The following ZC3HAV1 variants were observed in gnomAD, a reference collection of about 807,000 sequenced individuals.
ZC3HAV1 encodes zinc finger CCCH-type antiviral protein 1.
ZC3HAV1 carries 41 observed loss-of-function variants against 86.6 expected under a neutral mutation model. That is an observed-to-expected ratio of 0.47 (90% CI 0.37 to 0.61). The LOEUF is 0.61. ZC3HAV1 is among the 20% of genes least tolerant of loss of function. The pLI, the probability that ZC3HAV1 is intolerant of heterozygous loss-of-function variation, is 0.00. For synonymous variants in ZC3HAV1, 421 were observed against 432.1 expected (o/e 0.97, Z 0.32); for missense variants, 964 against 1,141.1 (o/e 0.84, Z 2.24).
intron 2 of ZC3HAV1, 109 bp from the exon 3 acceptor site, chr7:139,084,141 T>C (rs1817211807): frequency 6.3e-6 from 9 of 1,428,432 alleles, no homozygotes; most frequent in Admixed American, 2.3e-5. Context: ...AGCAGAGATA[T>C]ACCAAAGGGG....
intron 12 of ZC3HAV1, chr7:139,049,946 T>G (rs1268184367): frequency 1.9e-5 from 3 of 156,390 alleles, no homozygotes; most frequent in African/African-American, 7.2e-5. Context: ...ACATGAAGAT[T>G]TGAACCTCTT....
intron 1 of ZC3HAV1, among the ~76,000 whole-genome samples, chr7:139,096,484 T>C (rs1421218226): frequency 1.3e-5 from 2 of 152,210 alleles, no homozygotes; most frequent in Non-Finnish European, 2.9e-5. Context: ...TTCAGGATCC[T>C]GTGAGTGACA....
At chr7:139,049,911 A>G (rs948385984) in intron 12 of ZC3HAV1, 14 of 154,476 alleles carry the variant, frequency 9.1e-5, no homozygotes, top group Admixed American at 2.6e-4. Context: ...TGGCCTGGGC[A>G]GTTTCATGGG....
At chr7:139,083,189 T>A (rs1183801703) in intron 3 of ZC3HAV1, among the ~76,000 whole-genome samples, 3 of 146,086 alleles carry the variant, frequency 2.1e-5, no homozygotes, top group Non-Finnish European at 3.0e-5. Context: ...TTCTTTTCCT[T>A]AAAAAAAAGC....
In ZC3HAV1 at chr7:139,073,989, C is replaced by A; in HGVS notation, c.1739G>T (p.Ser580Ile). The A allele has an allele frequency of 6.2e-7, 1 of 1,613,704 alleles. No homozygotes were observed. The highest frequency in any genetic ancestry group is 8.5e-7 in the Non-Finnish European group (1 of 1,179,700). The change falls in exon 7 of 13, where the codon AGT (serine) becomes ATT (isoleucine). Residue 580 changes from serine to isoleucine, a missense_variant. By Grantham distance (142) the Ser-to-Ile change is moderately radical. Coordinates refer to ENST00000242351, the MANE Select transcript of ZC3HAV1 (RefSeq NM_020119.4). ...GCGTCGGATGGGAAAGGAATCACAA[C>A]TCATTACCCGAAAATTGATTGTATA... ...GSYTINFRVM[S>I]CDSFPIRRLS...
chr7:139,094,373 A>AT (rs1360643110), intron 1 of ZC3HAV1, among the ~76,000 whole-genome samples: 1 of 152,128 alleles, frequency 6.6e-6, no homozygotes, highest in Non-Finnish European at 1.5e-5. Context: ...CCAGTACAAA[A>AT]AGAGCTCTCC....
chr7:139,079,485 C>G lies in ZC3HAV1; in HGVS notation c.1456G>C (p.Val486Leu). 1 of 1,614,138 alleles carries G rather than the reference C, an allele frequency of 6.2e-7. No homozygotes were observed. The highest frequency in any genetic ancestry group is 8.5e-7 in the Non-Finnish European group (1 of 1,180,002). Residue 486 changes from valine to leucine, a missense_variant, in exon 4 of 13, where the codon GTA becomes CTA. By Grantham distance (32) the Val-to-Leu change is conservative. Coordinates refer to ENST00000242351, the MANE Select transcript of ZC3HAV1 (RefSeq NM_020119.4). ...TTGTATTTACCGTTAACAAGTGCTACTCTTGGGTCAGCATCATCTGCGATT... is the reference window on the plus strand; with the variant it reads ...TTGTATTTACCGTTAACAAGTGCTAGTCTTGGGTCAGCATCATCTGCGATT... Reference protein sequence around the residue: ...GRIADDADPRVALVNDSLSDV... With the variant: ...GRIADDADPRLALVNDSLSDV...
chr7:139,097,414 A>ATTTTTTTT (rs1214039926), intron 1 of ZC3HAV1, among the ~76,000 whole-genome samples: 3 of 75,600 alleles, frequency 4.0e-5, no homozygotes, highest in East Asian at 4.5e-4. Context: ...ATATATATAT[A>ATTTTTTTT]TATATATATA....
intron 2 of ZC3HAV1, among the ~76,000 whole-genome samples, chr7:139,085,386 T>A (rs757858547): frequency 1.3e-5 from 2 of 152,252 alleles, no homozygotes; most frequent in Non-Finnish European, 2.9e-5. Flanking sequence ...TGTACAAGTT[T>A]ATATATCAGG....
chr7:139,097,428 A>ATATATATTTTTTTTTT, intron 1 of ZC3HAV1, among the ~76,000 whole-genome samples: 4 of 48,160 alleles, frequency 8.3e-5, no homozygotes, highest in African/African-American at 4.5e-4. Context: ...ATATATATAT[A>ATATATATTTTTTTTTT]TTTTTTTTTT....
At chr7:139,084,177 C>A in intron 2 of ZC3HAV1, 145 bp from the exon 3 acceptor site, 1 of 1,135,904 alleles carries the variant, frequency 8.8e-7, no homozygotes, top group Non-Finnish European at 1.2e-6. Context: ...ATTCTGCAGT[C>A]TTTGATGAGT....
chr7:139,097,425 TATA>T lies in ZC3HAV1; in HGVS notation c.309-7669_309-7667del, dbSNP rs1406895692. Among the ~76,000 whole-genome samples the T allele has an allele frequency of 3.1e-3, 256 of 82,604 alleles. 1 individual carries two copies. Among genetic ancestry groups the T allele is most frequent in the Middle Eastern group, 5.1e-3 (1 of 196 alleles). 54.2% of individuals were successfully genotyped at this position (82,604 alleles called of 152,430 possible). A position where few individuals can be genotyped will look rare whatever the true frequency, so the allele number is the denominator to read the frequency against. On this transcript the variant is annotated intron_variant, in intron 1 of 12. Transcript: ENST00000242351. ...CCATATATATATATATATATATATA[TATA>T]TTTTTTTTTTTTTTTTTTTTCTTTG...
chr7:139,055,654 T>C (rs1816261684), intron 9 of ZC3HAV1, among the ~76,000 whole-genome samples: 1 of 152,230 alleles, frequency 6.6e-6, no homozygotes, highest in Non-Finnish European at 1.5e-5. Context: ...CGATTAAATA[T>C]ATTAGGAATT....
At position 139,064,976 on chromosome 7, in the gene ZC3HAV1, G is replaced by A. The variant is rs776163217; in HGVS notation, c.1896C>T (p.Asn632=). 1.7e-5 allele frequency: 28 copies of A among 1,613,972 alleles called. No homozygotes were observed. The highest frequency in any genetic ancestry group is 2.2e-5 in the East Asian group (1 of 44,898). ...GEEKDKRKNS[N]VDSSYLESLY... The stretch of plus-strand genomic sequence containing the variant: ...GAGACTCCAGGTATGAAGAGTCGAC[G>A]TTTGAATTTTTCCGTTTGTCTTTCT... The change falls in exon 8 of 13, where the codon AAC becomes AAT. Residue 632 remains asparagine, a synonymous_variant. Coordinates refer to ENST00000242351, the MANE Select transcript of ZC3HAV1 (RefSeq NM_020119.4).
intron 7 of ZC3HAV1, among the ~76,000 whole-genome samples, chr7:139,068,567 ATTTCT>A (rs1192114452): frequency 6.6e-6 from 1 of 152,188 alleles, no homozygotes; most frequent in Non-Finnish European, 1.5e-5. Flanking sequence ...CATGGAACTG[ATTTCT>A]TAATTTTTTA....
intron 7 of ZC3HAV1, among the ~76,000 whole-genome samples, chr7:139,065,314 CCT>C (rs1816566275): frequency 1.3e-5 from 2 of 152,186 alleles, no homozygotes. Context: ...ACTTGCATCC[CCT>C]CTTTTCTGAT....
At position 139,057,705 on chromosome 7, in the gene ZC3HAV1, A is replaced by AT. The variant is rs1563124903; in HGVS notation, c.2097-2411dup. Among the ~76,000 whole-genome samples the AT allele has an allele frequency of 2.5e-5, 2 of 79,222 alleles. 1 individual carries two copies. The highest frequency in any genetic ancestry group is 4.8e-5 in the Non-Finnish European group (2 of 41,302). The allele number at this position is 79,222 out of a possible 152,430, so 52.0% of individuals were successfully genotyped here. ...AGGCGCCCGCCACCACGCCCGGCTA[A>AT]TTTTTTTGTTATTTTTAGTAGAGAT... is the stretch of plus-strand genomic sequence containing the variant. On this transcript the variant is annotated intron_variant, in intron 9 of 12. Coordinates refer to ENST00000242351, the MANE Select transcript of ZC3HAV1 (RefSeq NM_020119.4).
At position 139,083,979 on chromosome 7, in the gene ZC3HAV1, T is replaced by G; in HGVS notation, c.498A>C (p.Pro166=). 2 of 1,614,180 alleles carry G rather than the reference T, an allele frequency of 1.2e-6. No homozygotes were observed. Among genetic ancestry groups the G allele is most frequent in the Non-Finnish European group, 1.7e-6 (2 of 1,180,022 alleles). ...EGRQQICNQQ[P]PCSRLHICDH... The stretch of plus-strand genomic sequence containing the variant: ...CACAGATGTGGAGTCTTGAACACGG[T>G]GGCTGCTGGTTACAAATCTGCTGCC... Residue 166 remains proline (P), a synonymous_variant, in exon 3 of 13, where the codon CCA becomes CCC. Coordinates refer to ENST00000242351, the MANE Select transcript of ZC3HAV1 (RefSeq NM_020119.4).
intron 8 of ZC3HAV1, among the ~76,000 whole-genome samples, chr7:139,063,449 C>A (rs148003745): frequency 2.5e-4 from 38 of 152,192 alleles, no homozygotes; most frequent in African/African-American, 8.2e-4. Flanking sequence ...TGGCTGAGCA[C>A]TATGGCTCAT....
Sources: gnomAD v4.1 joint callset for allele counts (sites outside exome capture counted in the v4.1 genomes callset) on GRCh38, gnomAD v4.1.1 for gene constraint, MANE v1.5 for transcripts, NCBI Gene and HGNC (gene_info 2026-07-23, HGNC 2026-07-21) for gene names.